The following PEAK1 variants were observed in gnomAD, a reference collection of about 807,000 sequenced individuals.
PEAK1 encodes the protein pseudopodium enriched atypical kinase 1.
PEAK1 carries 54 observed loss-of-function variants against 124.7 expected under a neutral mutation model. The ratio of observed to expected loss-of-function variants is 0.43; its 90% CI spans 0.35 to 0.54. The LOEUF (loss-of-function observed/expected upper bound fraction) is 0.54, where lower values mean the gene tolerates loss of function less well. Ranked by LOEUF, PEAK1 falls within the 20% of genes least tolerant of loss-of-function variation. The pLI is 0.01. For synonymous variants in PEAK1, 719 were observed against 760.0 expected, an observed-to-expected ratio of 0.95 and a Z score of 0.89; for missense variants, 2,046 against 2,134.5, an observed-to-expected ratio of 0.96 and a Z score of 0.82.
intron 6 of PEAK1, among the ~76,000 whole-genome samples, chr15:77,193,116 C>G (rs2057923336): frequency 6.6e-6 from 1 of 152,128 alleles, no homozygotes; most frequent in Non-Finnish European, 1.5e-5. Context: ...ATTATTCAAA[C>G]AAATTTAACA....
At chr15:77,256,069 CT>C (rs559817444) in intron 5 of PEAK1, among the ~76,000 whole-genome samples, 2 of 152,030 alleles carry the variant, frequency 1.3e-5, no homozygotes, top group Non-Finnish European at 2.9e-5. Context: ...GGTGAAGGGA[CT>C]TTCTGTTCAT....
At chr15:77,251,917 G>T (rs1378069536) in intron 6 of PEAK1, among the ~76,000 whole-genome samples, 1 of 152,222 alleles carries the variant, frequency 6.6e-6, no homozygotes, top group East Asian at 1.9e-4. Context: ...AGCTGCTACT[G>T]TCTGCCTACA....
At chr15:77,257,885 A>T (rs2061242915) in intron 5 of PEAK1, among the ~76,000 whole-genome samples, 1 of 152,186 alleles carries the variant, frequency 6.6e-6, no homozygotes, top group Non-Finnish European at 1.5e-5. Flanking sequence ...TCTTTAATCC[A>T]TCTTGAATTG....
chr15:77,317,258 T>C (rs996953508), intron 2 of PEAK1, among the ~76,000 whole-genome samples: 2 of 152,162 alleles, frequency 1.3e-5, no homozygotes, highest in East Asian at 3.8e-4. Context: ...ATATCTGTCA[T>C]GTTTCAATTT....
intron 1 of PEAK1, among the ~76,000 whole-genome samples, chr15:77,398,109 A>C (rs1310729561): frequency 6.6e-6 from 1 of 152,166 alleles, no homozygotes; most frequent in African/African-American, 2.4e-5. Flanking sequence ...TCAATGCTAT[A>C]ATAAAAAGTC....
At chr15:77,176,940 A>C (rs971901971) in intron 7 of PEAK1, among the ~76,000 whole-genome samples, 1 of 152,120 alleles carries the variant, frequency 6.6e-6, no homozygotes, top group East Asian at 1.9e-4. Flanking sequence ...CTCTTTTCTA[A>C]ATAAATCAGG....
At chr15:77,220,656 T>G (rs1233809459) in intron 6 of PEAK1, among the ~76,000 whole-genome samples, 1 of 151,928 alleles carries the variant, frequency 6.6e-6, no homozygotes, top group East Asian at 1.9e-4. Context: ...CATTAAAAAT[T>G]CACATGTCTT....
At chr15:77,210,296 A>G (rs1184348351) in intron 6 of PEAK1, among the ~76,000 whole-genome samples, 1 of 152,212 alleles carries the variant, frequency 6.6e-6, no homozygotes, top group African/African-American at 2.4e-5. Flanking sequence ...ATTGATGGAC[A>G]AGTCATTAGT....
intron 2 of PEAK1, among the ~76,000 whole-genome samples, chr15:77,360,510 C>G (rs1047659637): frequency 6.6e-6 from 1 of 152,014 alleles, no homozygotes; most frequent in African/African-American, 2.4e-5. Flanking sequence ...TAAGTTGATC[C>G]TTGGACAACA....
intron 6 of PEAK1, among the ~76,000 whole-genome samples, chr15:77,220,792 T>A (rs1366211395): frequency 6.6e-6 from 1 of 152,094 alleles, no homozygotes; most frequent in Non-Finnish European, 1.5e-5. Flanking sequence ...GAAATGACAA[T>A]CTATATGTCT....
intron 2 of PEAK1, among the ~76,000 whole-genome samples, chr15:77,317,170 G>GA (rs1308752994): frequency 6.6e-6 from 1 of 151,672 alleles, no homozygotes; most frequent in East Asian, 1.9e-4. Flanking sequence ...TATGTGCATA[G>GA]AAAAAAAATA....
At position 77,343,046 on chromosome 15, in the gene PEAK1, C is replaced by T. The variant is rs111353379; in HGVS notation, c.-603+22117G>A. ...TTTGAAAAAATGCCATACTGTTTTC[C>T]ATAGCAGCTGCACCATTTTATATTC... On this transcript the variant is annotated intron_variant, in intron 2 of 9. Coordinates refer to ENST00000682557, the MANE Select transcript of PEAK1 (RefSeq NM_001385026.1). Among the ~76,000 whole-genome samples, 743 of 152,292 alleles carry T rather than the reference C, an allele frequency of 4.9e-3. 9 individuals are homozygous for T. The highest frequency in any genetic ancestry group is 0.017 in the African/African-American group (693 of 41,562).
In PEAK1 at chr15:77,181,302, C is replaced by T; in HGVS notation, c.625G>A (p.Val209Ile). 6.2e-7 allele frequency: 1 copy of T among 1,614,130 alleles called. No individual in the cohort carries two copies. Among genetic ancestry groups the T allele is most frequent in the Non-Finnish European group, 8.5e-7 (1 of 1,180,016 alleles). Residue 209 changes from valine (V) to isoleucine (I), a missense_variant, in exon 7 of 10, where the codon GTT (valine) becomes ATT (isoleucine). Physicochemically the swap from Val to Ile is conservative, Grantham distance 29. Coordinates refer to ENST00000682557, the MANE Select transcript of PEAK1 (RefSeq NM_001385026.1). ...GGIKETQGKH[V>I]ILSGSTEVIS... ...ACTTCTGTGCTCCCACTCAGAATAA[C>T]ATGCTTGCCCTGAGTTTCCTTTATC...
intron 1 of PEAK1, among the ~76,000 whole-genome samples, chr15:77,393,147 T>C (rs538887757): frequency 1.4e-4 from 21 of 152,314 alleles, no homozygotes; most frequent in African/African-American, 4.1e-4. Flanking sequence ...CTTGCCACCA[T>C]GGGCTGAAGT....
chr15:77,407,898 TATACAC>T (rs2071971573), intron 1 of PEAK1, among the ~76,000 whole-genome samples: 1 of 142,446 alleles, frequency 7.0e-6, no homozygotes, highest in Non-Finnish European at 1.5e-5. Flanking sequence ...TATATATATA[TATACAC>T]ATATATATAC....
chr15:77,340,763 CAAGTTAA>C (rs2141327010), intron 2 of PEAK1, among the ~76,000 whole-genome samples: 1 of 152,060 alleles, frequency 6.6e-6, no homozygotes, highest in East Asian at 1.9e-4. Flanking sequence ...GTAGACCCTA[CAAGTTAA>C]AGGGTATGAT....
At chr15:77,410,455 TG>T (rs906540830) in intron 1 of PEAK1, among the ~76,000 whole-genome samples, 4 of 152,212 alleles carry the variant, frequency 2.6e-5, no homozygotes, top group Non-Finnish European at 5.9e-5. Context: ...TGGTATGATT[TG>T]TTTGGCTTGG....
At chr15:77,223,181 T>C (rs911688028) in intron 6 of PEAK1, among the ~76,000 whole-genome samples, 1 of 152,016 alleles carries the variant, frequency 6.6e-6, no homozygotes, top group Admixed American at 6.6e-5. Flanking sequence ...TTCTAATGCA[T>C]TTCCCTCATT....
chr15:77,350,610 T>TAA (rs35739571), intron 2 of PEAK1: 2,061 of 899,820 alleles, frequency 2.3e-3, no homozygotes, highest in African/African-American at 4.7e-3. Context: ...GAGATTCAAG[T>TAA]AAAAAAAAAA....
Sources: allele counts gnomAD v4.1 joint callset (sites outside exome capture counted in the v4.1 genomes callset), GRCh38; gene constraint gnomAD v4.1.1; transcripts MANE v1.5; gene names NCBI Gene and HGNC (gene_info 2026-07-23, HGNC 2026-07-21).